FABP3: variants seen among roughly 807,000 people sequenced by gnomAD.
The protein encoded by FABP3 is fatty acid binding protein 3, also known as fatty acid-binding protein, heart.
In FABP3, 8 loss-of-function variants were observed where a neutral mutation model predicts 13.4. That is an observed-to-expected ratio of 0.60 (90% confidence interval 0.35 to 1.07). The LOEUF is 1.07. FABP3 is among the 50% of genes least tolerant of loss of function. FABP3 has a pLI of 0.02. For missense variants in FABP3, 135 were observed against 164.7 expected, an observed-to-expected ratio of 0.82 and a Z score of 0.99; for synonymous variants, 64 against 60.0, an observed-to-expected ratio of 1.07 and a Z score of -0.31.
At chr1:31,372,838 T>TC in intron 1 of FABP3, 104 bp downstream of exon 1, 1 of 1,145,620 alleles carries the variant, frequency 8.7e-7, no homozygotes, top group Non-Finnish European at 1.3e-6. Flanking sequence ...GCTCCCCTAT[T>TC]CCCCAGTCTT....
chr1:31,366,675 A>T (rs1316167989), intron 3 of FABP3, among the ~76,000 whole-genome samples: 2 of 152,204 alleles, frequency 1.3e-5, no homozygotes, highest in South Asian at 2.1e-4. Flanking sequence ...TCTGGGGGGA[A>T]TTCAGTCAAG....
intron 2 of FABP3, among the ~76,000 whole-genome samples, chr1:31,368,898 G>A (rs933684664): frequency 5.9e-5 from 9 of 152,240 alleles, no homozygotes; most frequent in African/African-American, 1.7e-4. Flanking sequence ...CGGCATCTGA[G>A]TAGGTGCTTC....
downstream of FABP3, chr1:31,364,380 G>A (rs1640052847): frequency 4.7e-6 from 5 of 1,055,650 alleles, no homozygotes; most frequent in East Asian, 1.3e-4. Flanking sequence ...CTGCCTGAAT[G>A]AGTTGTTGTT....
downstream of FABP3, among the ~76,000 whole-genome samples, chr1:31,363,641 G>A (rs1640014921): frequency 6.6e-6 from 1 of 152,138 alleles, no homozygotes; most frequent in Non-Finnish European, 1.5e-5. Context: ...AATTAGCAGG[G>A]TGTGGTGGTG....
intron 1 of FABP3, 137 bp downstream of exon 1, chr1:31,372,804 TC>T (rs1640230693): frequency 1.4e-5 from 11 of 811,086 alleles, no homozygotes; most frequent in African/African-American, 1.7e-5. Context: ...CCCCACCTGC[TC>T]TAGGCCAGGC....
chr1:31,361,055 A>G (rs988462880), downstream of FABP3, among the ~76,000 whole-genome samples: 1 of 152,284 alleles, frequency 6.6e-6, no homozygotes, highest in South Asian at 2.1e-4. Flanking sequence ...AAGGGGCAGA[A>G]CCCAGTGAGG....
rs866641476 is a variant in FABP3 at position 31,366,101 on chromosome 1, T to C, written c.349-162A>G. Among the ~76,000 whole-genome samples the C allele has an allele frequency of 4.1e-4, 61 of 149,716 alleles. 1 individual carries two copies. Among genetic ancestry groups the C allele is most frequent in the Admixed American group, 1.6e-3 (24 of 14,942 alleles). ...GTGTGTGTGTGTGTGTGTGTGTGTA[T>C]ACATACATAATTTTTTTTTTCTGAT... On this transcript the variant is annotated intron_variant, in intron 3 of 3. Transcript: ENST00000373713.
At chr1:31,362,572 CTT>C (rs1338269682), downstream of FABP3, among the ~76,000 whole-genome samples, 1 of 152,100 alleles carries the variant, frequency 6.6e-6, no homozygotes, top group African/African-American at 2.4e-5. Flanking sequence ...TTTCTCAGCT[CTT>C]TTCTTTATGA....
chr1:31,367,727 A>G (rs1035186814), intron 2 of FABP3, among the ~76,000 whole-genome samples: 1 of 152,232 alleles, frequency 6.6e-6, no homozygotes, highest in African/African-American at 2.4e-5. Context: ...ATATTAGGCA[A>G]GGAGGGAGAG....
chr1:31,363,101 G>C (rs1208500350), downstream of FABP3, among the ~76,000 whole-genome samples: 4 of 151,296 alleles, frequency 2.6e-5, no homozygotes, highest in African/African-American at 9.7e-5. Flanking sequence ...ATTATGTCTT[G>C]GTTCTTTTAC....
Position 31,365,731 on chromosome 1 carries a change from A to C in FABP3, c.*155T>G. The C allele has an allele frequency of 6.1e-6, 4 of 650,706 alleles. No individual in the cohort carries two copies. The highest frequency in any genetic ancestry group is 2.5e-5 in the Admixed American group (1 of 40,466). The allele number at this position is 650,706 out of a possible 1,614,324, so 40.3% of individuals were successfully genotyped here. A position where few individuals can be genotyped will look rare whatever the true frequency, so the allele number is the denominator to read the frequency against. ...AAAAAAAAAAAAAAAAACCACATAC[A>C]CCATGGGAACTGGAACTGGATCCCG... On this transcript the variant is annotated 3_prime_UTR_variant, in exon 4 of 4. Coordinates refer to ENST00000373713, the MANE Select transcript of FABP3 (RefSeq NM_004102.5).
downstream of FABP3, among the ~76,000 whole-genome samples, chr1:31,362,798 G>A (rs1463724716): frequency 1.3e-5 from 2 of 152,118 alleles, no homozygotes; most frequent in South Asian, 2.1e-4. Context: ...CTTTAGGGGC[G>A]CCTTTCAGCT....
intron 2 of FABP3, 137 bp from the exon 3 acceptor site, chr1:31,367,631 A>G (rs922583385): frequency 7.9e-5 from 57 of 717,334 alleles, no homozygotes; most frequent in East Asian, 3.9e-4. Context: ...AGCTCAGGCA[A>G]TCCGCCTCCC....
intron 1 of FABP3, among the ~76,000 whole-genome samples, chr1:31,371,913 G>A (rs1354352262): frequency 1.3e-5 from 2 of 152,154 alleles, no homozygotes; most frequent in East Asian, 1.9e-4. Flanking sequence ...CTTCCCACTC[G>A]CAGGGCCTGT....
downstream of FABP3, among the ~76,000 whole-genome samples, chr1:31,362,285 C>G (rs1639936566): frequency 1.3e-5 from 2 of 152,200 alleles, no homozygotes; most frequent in Non-Finnish European, 2.9e-5. Context: ...CTTCTAAGAC[C>G]TGGTGTATCA....
In FABP3 at chr1:31,365,839, A is replaced by AG; in HGVS notation, c.*46dup. The AG allele has an allele frequency of 6.4e-7, 1 of 1,565,016 alleles. No homozygotes were observed. The highest frequency in any genetic ancestry group is 1.4e-5 in the African/African-American group (1 of 74,020). On this transcript the variant is annotated 3_prime_UTR_variant, in exon 4 of 4. Coordinates refer to ENST00000373713, the MANE Select transcript of FABP3 (RefSeq NM_004102.5). Reference sequence around the variant, plus strand: ...AATGAGGCAATGTGGTGCTGAGTCGAGGGGTAGCCGATTGGCAGAGTAGTA... The same window carrying AG: ...AATGAGGCAATGTGGTGCTGAGTCGAGGGGGTAGCCGATTGGCAGAGTAGTA...
downstream of FABP3, chr1:31,364,411 T>C (rs2148491925): frequency 6.9e-6 from 5 of 724,940 alleles, no homozygotes; most frequent in South Asian, 1.2e-4. Context: ...TCCTGGTCCC[T>C]TTGCAAGTGA....
downstream of FABP3, among the ~76,000 whole-genome samples, chr1:31,362,405 T>C (rs1349208184): frequency 6.6e-6 from 1 of 152,200 alleles, no homozygotes; most frequent in African/African-American, 2.4e-5. Flanking sequence ...ACAGAGGCAA[T>C]ATAGGTATTT....
At position 31,365,608 on chromosome 1, in the gene FABP3, A is replaced by G. The variant is rs1238706412; in HGVS notation, c.*278T>C. 9.8e-6 allele frequency: 4 copies of G among 407,612 alleles called. No individual in the cohort carries two copies. The highest frequency in any genetic ancestry group is 8.1e-5 in the African/African-American group (4 of 49,476). 25.2% of individuals were successfully genotyped at this position (407,612 alleles called of 1,614,324 possible). ...TGCCCACTCTCTGACACACAGGATA[A>G]ACCAAGACTCCCAGAGTTATGTTAC... On this transcript the variant is annotated 3_prime_UTR_variant, in exon 4 of 4. Coordinates refer to ENST00000373713, the MANE Select transcript of FABP3 (RefSeq NM_004102.5).
Sources: gnomAD v4.1 joint callset for allele counts (sites outside exome capture counted in the v4.1 genomes callset) on GRCh38, gnomAD v4.1.1 for gene constraint, MANE v1.5 for transcripts, NCBI Gene and HGNC (gene_info 2026-07-23, HGNC 2026-07-21) for gene names.